The following CNTRL variants were observed in gnomAD, a reference collection of about 807,000 sequenced individuals.
CNTRL encodes 110 kDa centrosomal protein.
In CNTRL, 233 loss-of-function variants were observed where a neutral mutation model predicts 303.7. That is an observed-to-expected ratio of 0.77 (90% CI 0.69 to 0.86). The LOEUF (loss-of-function observed/expected upper bound fraction) is 0.86, where lower values mean the gene tolerates loss of function less well. CNTRL is among the 40% of genes least tolerant of loss of function. CNTRL has a pLI of 0.00. For synonymous variants in CNTRL, 900 were observed against 922.2 expected, an observed-to-expected ratio of 0.98 and a Z score of 0.44; for missense variants, 2,524 against 2,650.6, an observed-to-expected ratio of 0.95 and a Z score of 1.05.
intron 2 of CNTRL, among the ~76,000 whole-genome samples, chr9:121,085,409 T>C (rs529467210): frequency 9.2e-5 from 14 of 152,216 alleles, no homozygotes; most frequent in Admixed American, 8.5e-4. Context: ...TACATTGCAA[T>C]AAAAAATATG....
chr9:121,112,507 G>A lies in CNTRL; in HGVS notation c.1051G>A (p.Glu351Lys), dbSNP rs967197658. ...AACACGAGCATGTCAGAAGCAATAT[G>A]AGCTGGAACAGGAATTGGCCTTTTA... is the stretch of plus-strand genomic sequence containing the variant. ...ELTRACQKQY[E>K]LEQELAFYKI... Residue 351 changes from glutamate to lysine, a missense_variant, in exon 9 of 44, where the codon GAG becomes AAG. Transcript: ENST00000373855. 1.9e-6 allele frequency: 3 copies of A among 1,612,764 alleles called. No individual in the cohort carries two copies. Among genetic ancestry groups the A allele is most frequent in the Non-Finnish European group, 2.5e-6 (3 of 1,179,084 alleles).
At position 121,167,564 on chromosome 9, in the gene CNTRL, T is replaced by C. The variant is rs975052115; in HGVS notation, c.5731T>C (p.Trp1911Arg). The C allele has an allele frequency of 6.2e-7, 1 of 1,614,086 alleles. No homozygotes were observed. Among genetic ancestry groups the C allele is most frequent in the Non-Finnish European group, 8.5e-7 (1 of 1,180,000 alleles). Residue 1911 changes from tryptophan (W) to arginine (R), a missense_variant, in exon 37 of 44, where the codon TGG becomes CGG. By Grantham distance (101) the Trp-to-Arg change is moderately radical. Transcript: ENST00000373855. ...QTRLQKDISE[W>R]ANRFEDCQKE... ...CCGACTCCAGAAGGACATCAGTGAA[T>C]GGGCAAATAGGTTTGAAGACTGTCA...
intron 24 of CNTRL, among the ~76,000 whole-genome samples, chr9:121,149,392 C>CGT (rs11436005): frequency 1.4e-4 from 21 of 151,470 alleles, no homozygotes; most frequent in Admixed American, 4.6e-4. Flanking sequence ...CATTCAGAAA[C>CGT]TTTTTTTTGT....
intron 38 of CNTRL, 77 bp downstream of exon 38, chr9:121,168,398 G>T: frequency 6.8e-6 from 9 of 1,330,938 alleles, no homozygotes; most frequent in Non-Finnish European, 9.6e-6. Context: ...AGTATTTAAA[G>T]AGATCCGGAC....
At chr9:121,079,031 C>G (rs982158861) in intron 1 of CNTRL, among the ~76,000 whole-genome samples, 3 of 152,140 alleles carry the variant, frequency 2.0e-5, no homozygotes, top group Admixed American at 6.6e-5. Context: ...CCCCTCTCCC[C>G]TCCCTCTTTC....
intron 12 of CNTRL, among the ~76,000 whole-genome samples, chr9:121,123,322 G>A (rs1033078659): frequency 8.5e-5 from 13 of 152,196 alleles, no homozygotes; most frequent in African/African-American, 2.7e-4. Flanking sequence ...GCTCATGCCT[G>A]TAATCCCAGC....
At chr9:121,089,463 G>T (rs1023767149) in intron 3 of CNTRL, among the ~76,000 whole-genome samples, 8 of 152,102 alleles carry the variant, frequency 5.3e-5, no homozygotes, top group African/African-American at 1.9e-4. Flanking sequence ...ATGTAATGTG[G>T]CATTAACAGT....
intron 3 of CNTRL, among the ~76,000 whole-genome samples, chr9:121,089,960 A>T (rs1236731117): frequency 6.6e-6 from 1 of 152,158 alleles, no homozygotes; most frequent in Admixed American, 6.5e-5. Context: ...TATAACCATT[A>T]TCATCTTTGT....
intron 2 of CNTRL, among the ~76,000 whole-genome samples, chr9:121,083,286 T>A (rs1272513350): frequency 6.6e-6 from 1 of 152,240 alleles, no homozygotes; most frequent in African/African-American, 2.4e-5. Context: ...ACTGTTGTAG[T>A]AAAACTTAGC....
In CNTRL at chr9:121,075,046, T is replaced by G; in HGVS notation, c.-226T>G. On this transcript the variant is annotated 5_prime_UTR_variant, in exon 1 of 44. Transcript: ENST00000373855. The stretch of plus-strand genomic sequence containing the variant: ...CCCGCTCTACCTCAGCCTGCGGGAC[T>G]GCTCGGCTCGGCTTCTAGGCGGTGA... 2.3e-6 allele frequency: 1 copy of G among 434,616 alleles called. No homozygotes were observed. 26.9% of individuals were successfully genotyped at this position (434,616 alleles called of 1,614,324 possible).
At chr9:121,112,650 T>A in intron 9 of CNTRL, 72 bp downstream of exon 9, 1 of 1,452,138 alleles carries the variant, frequency 6.9e-7, no homozygotes, top group Non-Finnish European at 9.6e-7. Context: ...GGGCAGGTGG[T>A]GAGGACATGT....
chr9:121,150,071 C>A, intron 24 of CNTRL, 99 bp from the exon 25 acceptor site: 1 of 928,324 alleles, frequency 1.1e-6, no homozygotes, highest in Non-Finnish European at 1.6e-6. Context: ...AGTATCTTGG[C>A]TTAAATGCTG....
Position 121,138,586 on chromosome 9 carries a change from G to A in CNTRL, c.2244G>A (p.Arg748=), listed in dbSNP as rs766934245. The A allele has an allele frequency of 6.2e-7, 1 of 1,613,906 alleles. No homozygotes were observed. The highest frequency in any genetic ancestry group is 1.7e-5 in the Admixed American group (1 of 60,006). The change falls in exon 16 of 44, where the codon AGG becomes AGA. Residue 748 remains arginine (R), a synonymous_variant. Transcript: ENST00000373855. ...SALQAELEKE[R]QALKNALGKA... ...TTCAAGCAGAACTTGAGAAGGAAAG[G>A]CAAGCCCTCAAGAATGCCCTTGGAA...
In CNTRL at chr9:121,154,843, G is replaced by T. The variant is rs780060202; in HGVS notation, c.4295G>T (p.Arg1432Leu). 6.2e-6 allele frequency: 10 copies of T among 1,613,974 alleles called. No homozygotes were observed. Among genetic ancestry groups the T allele is most frequent in the Non-Finnish European group, 8.5e-6 (10 of 1,179,966 alleles). ...ECIEKTLLKR[R>L]SELREADRLL... ...ATTGAGAAGACTCTTCTGAAACGTC[G>T]CTCAGAGCTCAGGGAAGCTGACCGA... Residue 1432 changes from arginine to leucine, a missense_variant, in exon 27 of 44, where the codon CGC becomes CTC. Physicochemically the swap from Arg to Leu is moderately radical, Grantham distance 102 (BLOSUM62 -2). Transcript: ENST00000373855.
intron 19 of CNTRL, among the ~76,000 whole-genome samples, chr9:121,143,408 C>T (rs2051638411): frequency 6.6e-6 from 1 of 152,202 alleles, no homozygotes; most frequent in Non-Finnish European, 1.5e-5. Flanking sequence ...CCAAGATGCT[C>T]TTTCTGAAAT....
At position 121,088,346 on chromosome 9, in the gene CNTRL, A is replaced by G. The variant is rs762693928; in HGVS notation, c.20A>G (p.Gln7Arg). MKKGSQ[Q>R]KIFSKAKIPS... is the part of the protein sequence containing the mutation. Reference sequence around the variant, plus strand: ...CTTGCAATGAAGAAAGGTTCTCAACAAAAAATATTCTCCAAAGCAAAGATA... The same window carrying G: ...CTTGCAATGAAGAAAGGTTCTCAACGAAAAATATTCTCCAAAGCAAAGATA... Residue 7 changes from glutamine (Q) to arginine (R), a missense_variant, in exon 3 of 44, where the codon CAA becomes CGA. Transcript: ENST00000373855. 9.3e-5 allele frequency: 150 copies of G among 1,612,412 alleles called. No individual in the cohort carries two copies. Among genetic ancestry groups the G allele is most frequent in the Non-Finnish European group, 1.2e-4 (142 of 1,178,674 alleles).
chr9:121,136,049 A>G (rs986616450), intron 15 of CNTRL, 67 bp downstream of exon 15: 114 of 1,331,660 alleles, frequency 8.6e-5, no homozygotes, highest in Non-Finnish European at 1.1e-4. Context: ...TCCTTCTTTT[A>G]TTTATGTCTT....
Position 121,074,997 on chromosome 9 carries a change from C to G in CNTRL, c.-275C>G, listed in dbSNP as rs1564176678. ...AAAATGGCTGCCGCGCCGCTGGGCC[C>G]CTGAGGAAAGAGCCCGAACTTCTCC... On this transcript the variant is annotated 5_prime_UTR_variant, in exon 1 of 44. Transcript: ENST00000373855. 1 of 455,410 alleles carries G rather than the reference C, an allele frequency of 2.2e-6. No homozygotes were observed. Among genetic ancestry groups the G allele is most frequent in the Non-Finnish European group, 4.4e-6 (1 of 226,374 alleles). 28.2% of individuals were successfully genotyped at this position (455,410 alleles called of 1,614,324 possible). A position where few individuals can be genotyped will look rare whatever the true frequency, so the allele number is the denominator to read the frequency against.
At position 121,168,319 on chromosome 9, in the gene CNTRL, C is replaced by G; in HGVS notation, c.6068C>G (p.Thr2023Ser). Residue 2023 changes from threonine (T) to serine (S), a missense_variant and splice_region_variant, in exon 38 of 44, where the codon ACT becomes AGT. By Grantham distance (58) the Thr-to-Ser change is moderately conservative. Transcript: ENST00000373855. ...AGCCTGGAGAAGACACTCTCCCAAA[C>G]TAGTATGTATTCTGGAACTTCTCAC... ...CESLEKTLSQ[T>S]KRQLSEREQQ... The G allele has an allele frequency of 6.2e-7, 1 of 1,613,322 alleles. No homozygotes were observed.
Sources: gnomAD v4.1 joint callset for allele counts (sites outside exome capture counted in the v4.1 genomes callset) on GRCh38, gnomAD v4.1.1 for gene constraint, MANE v1.5 for transcripts, NCBI Gene and HGNC (gene_info 2026-07-23, HGNC 2026-07-21) for gene names.